The following STRIP2 variants were observed in gnomAD, a reference collection of about 807,000 sequenced individuals.
STRIP2 encodes the protein striatin interacting protein 2.
A neutral mutation model predicts 107.1 loss-of-function variants in STRIP2; 84 were observed. That is an observed-to-expected ratio of 0.78 (90% CI 0.66 to 0.94). STRIP2 has a LOEUF of 0.94. Ranked by LOEUF, STRIP2 falls within the 40% of genes least tolerant of loss-of-function variation. STRIP2 has a pLI of 0.00. For synonymous variants in STRIP2, 394 were observed against 400.4 expected, an observed-to-expected ratio of 0.98 and a Z score of 0.19; for missense variants, 888 against 1,034.2, an observed-to-expected ratio of 0.86 and a Z score of 1.94.
intron 6 of STRIP2, 37 bp from the exon 7 acceptor site, chr7:129,454,384 G>C (rs1412927799): frequency 1.3e-6 from 2 of 1,563,990 alleles, no homozygotes; most frequent in Non-Finnish European, 1.8e-6. Context: ...GCTGGGAATT[G>C]CCTTGGGAAC....
rs1000347507 is a variant in STRIP2, at chr7:129,483,124, C to G, written c.2254+78C>G. The G allele has an allele frequency of 1.2e-4, 180 of 1,526,486 alleles. No individual in the cohort carries two copies. Among genetic ancestry groups the G allele is most frequent in the Non-Finnish European group, 1.6e-4 (176 of 1,134,988 alleles). 94.6% of individuals were successfully genotyped at this position (1,526,486 alleles called of 1,614,324 possible). On this transcript the variant is annotated intron_variant, in intron 20 of 20. Transcript: ENST00000249344. This position sits in a 1 kb window ranked among gnomAD's most constrained non-coding sequence, Gnocchi z 5.1. ...AACTAAATAAATATTTATCACTCCT[C>G]TTTTGGCATGAATTGTTACATATTT... is the stretch of plus-strand genomic sequence containing the variant.
In STRIP2 at chr7:129,463,002, C is replaced by T; in HGVS notation, c.1513C>T (p.Leu505Phe). Reference protein sequence around the residue: ...EVVPETPCEILYQGMLYSLPQ... With the variant: ...EVVPETPCEIFYQGMLYSLPQ... ...GGTACCAGAGACGCCATGTGAAATCCTCTACCAGGGAATGCTGTACAGCCT... is the reference window on the plus strand; with the variant it reads ...GGTACCAGAGACGCCATGTGAAATCTTCTACCAGGGAATGCTGTACAGCCT... Residue 505 changes from leucine (L) to phenylalanine (F), a missense_variant, in exon 14 of 21, where the codon CTC (leucine) becomes TTC (phenylalanine). Coordinates refer to ENST00000249344, the MANE Select transcript of STRIP2 (RefSeq NM_020704.3). 2 of 1,614,046 alleles carry T rather than the reference C, an allele frequency of 1.2e-6. No individual in the cohort carries two copies. Among genetic ancestry groups the T allele is most frequent in the Non-Finnish European group, 1.7e-6 (2 of 1,179,932 alleles).
chr7:129,475,346 T>A (rs918649475), intron 18 of STRIP2, among the ~76,000 whole-genome samples: 11 of 151,640 alleles, frequency 7.3e-5, no homozygotes, highest in African/African-American at 1.9e-4. Context: ...TTTTTTATTT[T>A]TTATTTATTT....
intron 2 of STRIP2, among the ~76,000 whole-genome samples, chr7:129,441,220 T>TGG (rs1273977453): frequency 2.0e-5 from 3 of 152,048 alleles, no homozygotes; most frequent in Non-Finnish European, 4.4e-5. Flanking sequence ...CTTAAAAGCC[T>TGG]GGGGTTGGTG....
In STRIP2 at chr7:129,457,315, A is replaced by T. The variant is rs572587504; in HGVS notation, c.1038+673A>T. On this transcript the variant is annotated intron_variant, in intron 9 of 20. Coordinates refer to ENST00000249344, the MANE Select transcript of STRIP2 (RefSeq NM_020704.3). Reference sequence around the variant, plus strand: ...CCTGTACAGCAGGTTACTATACCGAACACCATATGCAATTGTAACCCAATG... The same window carrying T: ...CCTGTACAGCAGGTTACTATACCGATCACCATATGCAATTGTAACCCAATG... Among the ~76,000 whole-genome samples, 64 of 152,364 alleles carry T rather than the reference A, an allele frequency of 4.2e-4. 1 individual carries two copies. The highest frequency in any genetic ancestry group is 6.9e-4 in the Non-Finnish European group (47 of 68,036).
chr7:129,473,570 G>A (rs754690326), intron 18 of STRIP2, among the ~76,000 whole-genome samples: 7 of 152,042 alleles, frequency 4.6e-5, no homozygotes, highest in African/African-American at 1.2e-4. Context: ...CGGGGTCTTT[G>A]TGTTGCCCAA....
intron 1 of STRIP2, among the ~76,000 whole-genome samples, chr7:129,435,760 T>A (rs1033529246): frequency 6.6e-6 from 1 of 152,188 alleles, no homozygotes; most frequent in African/African-American, 2.4e-5. Flanking sequence ...ATAGTAACTC[T>A]TAGTATATTG....
chr7:129,473,784 C>T (rs1469000785), intron 18 of STRIP2, among the ~76,000 whole-genome samples: 2 of 152,242 alleles, frequency 1.3e-5, no homozygotes, highest in East Asian at 3.9e-4. Flanking sequence ...GTGGCGCCAT[C>T]TTGGCTCACT....
chr7:129,434,597 C>A lies in STRIP2; in HGVS notation c.125C>A (p.Ser42Ter). The change falls in exon 1 of 21, where the codon TCA (serine) becomes TAA (stop). Residue 42 changes from serine to a stop codon, truncating the protein, a stop_gained. Transcript: ENST00000249344. LOFTEE classifies it high-confidence loss of function. The part of the protein sequence containing the change: ...REAFRSQRRE[S>*]EGSVDCPTLE... Reference sequence around the variant, plus strand: ...GCGTTCCGAAGCCAGCGGCGGGAGTCAGAGGTGAGGAGCCCGGAAAGCTTC... The same window carrying A: ...GCGTTCCGAAGCCAGCGGCGGGAGTAAGAGGTGAGGAGCCCGGAAAGCTTC... The A allele has an allele frequency of 6.6e-7, 1 of 1,504,734 alleles. No homozygotes were observed. The highest frequency in any genetic ancestry group is 1.2e-5 in the South Asian group (1 of 81,118). The allele number at this position is 1,504,734 out of a possible 1,614,324, so 93.2% of individuals were successfully genotyped here. A position where few individuals can be genotyped will look rare whatever the true frequency, so the allele number is the denominator to read the frequency against.
chr7:129,462,830 T>C, intron 13 of STRIP2, 136 bp from the exon 14 acceptor site: 1 of 652,736 alleles, frequency 1.5e-6, no homozygotes, highest in Non-Finnish European at 2.7e-6. Context: ...CAGTGAGTCA[T>C]TAACACAGCT....
In STRIP2 at chr7:129,458,139, G is replaced by A. The variant is rs1459373727; in HGVS notation, c.1039-76G>A. Reference sequence around the variant, plus strand: ...TGTTCCCTGAAATGTGGAGGCCTGTGGATATGGGGTGGCCTCAGACAAGGA... The same window carrying A: ...TGTTCCCTGAAATGTGGAGGCCTGTAGATATGGGGTGGCCTCAGACAAGGA... On this transcript the variant is annotated intron_variant, in intron 9 of 20. Transcript: ENST00000249344. This position sits in a 1 kb window ranked among gnomAD's most constrained non-coding sequence, Gnocchi z 4.6. The A allele has an allele frequency of 1.8e-6, 2 of 1,082,326 alleles. No individual in the cohort carries two copies. Among genetic ancestry groups the A allele is most frequent in the South Asian group, 2.6e-5 (2 of 75,888 alleles). The allele number at this position is 1,082,326 out of a possible 1,614,324, so 67.0% of individuals were successfully genotyped here.
chr7:129,460,576 A>G, intron 13 of STRIP2: 1 of 571,788 alleles, frequency 1.7e-6, no homozygotes, highest in Non-Finnish European at 3.1e-6. Context: ...CTATCAGAGA[A>G]TGGTAAATAC....
rs908403440 is a variant in STRIP2, at chr7:129,434,508, G to T, written c.36G>T (p.Pro12=). 6.6e-7 allele frequency: 1 copy of T among 1,517,842 alleles called. No homozygotes were observed. The highest frequency in any genetic ancestry group is 2.0e-5 in the Admixed American group (1 of 49,986). 94.0% of individuals were successfully genotyped at this position (1,517,842 alleles called of 1,614,324 possible). The change falls in exon 1 of 21, where the codon CCG becomes CCT. Residue 12 remains proline (P), a synonymous_variant. Transcript: ENST00000249344. The part of the protein sequence containing the change: ...EDPAAPGTGG[P]PANGNGNGGG... ...CCGCCGCGCCTGGGACCGGGGGCCC[G>T]CCCGCAAATGGCAATGGCAACGGCG...
chr7:129,436,694 G>T (rs1312167730), intron 1 of STRIP2, among the ~76,000 whole-genome samples: 1 of 152,168 alleles, frequency 6.6e-6, no homozygotes, highest in African/African-American at 2.4e-5. Context: ...TCCTGTGGAA[G>T]GCAGTCCTTA....
chr7:129,464,223 C>G, intron 15 of STRIP2, 82 bp downstream of exon 15: 1 of 1,039,162 alleles, frequency 9.6e-7, no homozygotes, highest in Non-Finnish European at 1.5e-6. Flanking sequence ...ACCTTGTTAA[C>G]ACTTACAGAG....
chr7:129,482,377 A>ATTTTT (rs869099836), intron 19 of STRIP2, among the ~76,000 whole-genome samples: 4 of 69,024 alleles, frequency 5.8e-5, no homozygotes, highest in Admixed American at 2.6e-4. Context: ...ATATATATAT[A>ATTTTT]TTTTTTTTTT....
intron 3 of STRIP2, among the ~76,000 whole-genome samples, chr7:129,448,512 A>G (rs912660418): frequency 6.6e-5 from 10 of 152,186 alleles, no homozygotes; most frequent in African/African-American, 2.4e-4. Context: ...TTGAGAGGCC[A>G]TGATTCTCTG....
rs758536953 is a variant in STRIP2 at position 129,450,918 on chromosome 7, C to CTTTTTTTTTTTTTTTT, written c.275-674_275-659dup. 3.7e-5 allele frequency among the ~76,000 whole-genome samples: 2 copies of CTTTTTTTTTTTTTTTT among 54,470 alleles called. 1 individual carries two copies. Among genetic ancestry groups the CTTTTTTTTTTTTTTTT allele is most frequent in the Non-Finnish European group, 6.3e-5 (2 of 31,550 alleles). The allele number at this position is 54,470 out of a possible 152,430, so 35.7% of individuals were successfully genotyped here. A position where few individuals can be genotyped will look rare whatever the true frequency, so the allele number is the denominator to read the frequency against. On this transcript the variant is annotated intron_variant, in intron 3 of 20. Transcript: ENST00000249344. Reference sequence around the variant, plus strand: ...GGCCACAGCATTAGTGAGAAAGGTCCTTTTTTTTTTTTTTTTTTTTTTTTT... The same window carrying CTTTTTTTTTTTTTTTT: ...GGCCACAGCATTAGTGAGAAAGGTCCTTTTTTTTTTTTTTTTTTTTTTTTTTTTTTTTTTTTTTTTT...
chr7:129,443,865 G>T lies in STRIP2; in HGVS notation c.200-159G>T, dbSNP rs909633930. Among the ~76,000 whole-genome samples, 3 of 152,230 alleles carry T rather than the reference G, an allele frequency of 2.0e-5. No homozygotes were observed. The East Asian group carries it at 5.8e-4, about 29-fold the overall frequency. On this transcript the variant is annotated intron_variant, in intron 2 of 20. Transcript: ENST00000249344. ...GTTTAATCTCCCAGGGACACAAGTG[G>T]CTATTTTTAACGTTGCTCTGAAAAG...
Sources: gnomAD v4.1 joint callset for allele counts (sites outside exome capture counted in the v4.1 genomes callset) on GRCh38, gnomAD v4.1.1 for gene constraint, Gnocchi (gnomAD v3.1) non-coding constraint, MANE v1.5 for transcripts, NCBI Gene and HGNC (gene_info 2026-07-23, HGNC 2026-07-21) for gene names.